The following PDK3 variants were observed in gnomAD, a reference collection of about 807,000 sequenced individuals.
PDK3 encodes the protein pyruvate dehydrogenase kinase 3, also known as pyruvate dehydrogenase kinase, isozyme 3.
PDK3 carries 12 observed loss-of-function variants against 32.0 expected under a neutral mutation model. That is an observed-to-expected ratio of 0.37 (90% CI 0.24 to 0.61). The LOEUF (loss-of-function observed/expected upper bound fraction) is 0.61. Among genes scored for constraint, PDK3 ranks in the 20% least tolerant of loss-of-function variants. PDK3 has a pLI of 0.65. For synonymous variants in PDK3, 122 were observed against 116.3 expected, an observed-to-expected ratio of 1.05 and a Z score of -0.31; for missense variants, 188 against 316.9, an observed-to-expected ratio of 0.59 and a Z score of 3.09.
downstream of PDK3, among the ~76,000 whole-genome samples, chrX:24,536,079 G>GA (rs778228157): frequency 1.6e-3 from 175 of 110,946 alleles, no homozygotes; most frequent in African/African-American, 5.5e-3. Flanking sequence ...TTTTTTGCTA[G>GA]AATATCCATA....
At chrX:24,528,961 T>C (rs1200483253) in intron 9 of PDK3, among the ~76,000 whole-genome samples, 1 of 112,767 alleles carries the variant, frequency 8.9e-6, no homozygotes, top group Non-Finnish European at 1.9e-5. Flanking sequence ...AAGTCGTACC[T>C]GACTGATAAG....
intron 5 of PDK3, among the ~76,000 whole-genome samples, chrX:24,515,272 T>C (rs1258333726): frequency 8.9e-6 from 1 of 112,385 alleles, no homozygotes; most frequent in East Asian, 2.8e-4. Flanking sequence ...TAAGTTGTAG[T>C]GATGCTTTAA....
intron 1 of PDK3, among the ~76,000 whole-genome samples, chrX:24,481,532 C>A (rs911355589): frequency 8.9e-6 from 1 of 111,903 alleles, no homozygotes; most frequent in African/African-American, 3.3e-5. Flanking sequence ...TCTGTGTCTC[C>A]ACCCAAATCT....
intron 10 of PDK3, among the ~76,000 whole-genome samples, chrX:24,532,309 A>T (rs193069486): frequency 8.9e-6 from 1 of 112,014 alleles, no homozygotes; most frequent in African/African-American, 3.2e-5. Context: ...TTAAAACCAT[A>T]ATTTTAAATT....
chrX:24,516,386 G>T (rs891402366), intron 5 of PDK3, among the ~76,000 whole-genome samples: 1 of 111,845 alleles, frequency 8.9e-6, no homozygotes, highest in Non-Finnish European at 1.9e-5. Flanking sequence ...CAAACATTTG[G>T]ACATAAAGGT....
In PDK3 at chrX:24,465,430, C is replaced by T. The variant is rs756347909; in HGVS notation, c.-26C>T. On this transcript the variant is annotated 5_prime_UTR_variant, in exon 1 of 11. Transcript: ENST00000379162. ...CCTTGCGGCCACCCGGGCGTCTAGG[C>T]GGGTCTGTGCGCCGCCCGGGCGAGG... 4 of 1,129,128 alleles carry T rather than the reference C, an allele frequency of 3.5e-6. No individual in the cohort carries two copies. Among genetic ancestry groups the T allele is most frequent in the Non-Finnish European group, 4.8e-6 (4 of 828,732 alleles). The allele number at this position is 1,129,128 out of a possible 1,213,427, so 93.1% of individuals were successfully genotyped here.
intron 1 of PDK3, 96 bp downstream of exon 1, chrX:24,465,657 A>C: frequency 1.5e-6 from 1 of 650,285 alleles, no homozygotes; most frequent in East Asian, 3.7e-5. Context: ...GTCTGTGGGA[A>C]CCGCAGGCGG....
At chrX:24,505,815 A>G (rs555003912) in intron 5 of PDK3, among the ~76,000 whole-genome samples, 1 of 111,609 alleles carries the variant, frequency 9.0e-6, no homozygotes, top group East Asian at 2.8e-4. Flanking sequence ...GTACCCAGGC[A>G]CTTTGAATTT....
intron 3 of PDK3, among the ~76,000 whole-genome samples, chrX:24,500,788 G>C (rs1348674649): frequency 1.8e-5 from 2 of 111,707 alleles, no homozygotes; most frequent in Non-Finnish European, 3.8e-5. Flanking sequence ...TAGCTTAGAG[G>C]ACAAGCTTGT....
Position 24,518,967 on chromosome X carries a change from GT to G in PDK3, c.631del (p.Tyr211IlefsTer4). ...YETAKMLCEQ[Y>X]YLVAPELEVE... ...AAACAGCCAAGATGCTGTGTGAACA[GT>G]ATTACCTGGTAGCTCCAGAGCTGGA... On this transcript the variant is annotated frameshift_variant, in exon 6 of 11. Coordinates refer to ENST00000379162, the MANE Select transcript of PDK3 (RefSeq NM_005391.5). LOFTEE classifies it high-confidence loss of function. The G allele has an allele frequency of 8.4e-7, 1 of 1,197,497 alleles. No homozygotes were observed. Among genetic ancestry groups the G allele is most frequent in the Non-Finnish European group, 1.1e-6 (1 of 886,698 alleles).
At chrX:24,479,264 A>T (rs1921189322) in intron 1 of PDK3, among the ~76,000 whole-genome samples, 1 of 112,417 alleles carries the variant, frequency 8.9e-6, no homozygotes, top group Admixed American at 9.4e-5. Context: ...TGGTCATGTG[A>T]TGTGCTCATG....
At chrX:24,504,465 C>T (rs1039836409) in intron 4 of PDK3, among the ~76,000 whole-genome samples, 6 of 111,838 alleles carry the variant, frequency 5.4e-5, no homozygotes, top group Admixed American at 1.9e-4. Context: ...TTAATCAGTT[C>T]GAACTTTATT....
chrX:24,492,779 A>T (rs1354471054), intron 1 of PDK3, among the ~76,000 whole-genome samples: 1 of 110,781 alleles, frequency 9.0e-6, no homozygotes, highest in African/African-American at 3.3e-5. Context: ...AGGCGGGTGG[A>T]TCACGAGTCA....
At chrX:24,539,504 G>A (rs564262959) in exon 12 of PDK3, 4 of 181,196 alleles carry the variant, frequency 2.2e-5, no homozygotes, top group African/African-American at 8.9e-5. Flanking sequence ...GATTCTGTGC[G>A]CCTTTCCCAT....
At chrX:24,534,755 C>A (rs1219948065), downstream of PDK3, among the ~76,000 whole-genome samples, 1 of 111,856 alleles carries the variant, frequency 8.9e-6, no homozygotes, top group Non-Finnish European at 1.9e-5. Context: ...TCAAGACCAG[C>A]CTAGGCAACA....
chrX:24,511,230 A>G (rs947771646), intron 5 of PDK3, among the ~76,000 whole-genome samples: 32 of 112,482 alleles, frequency 2.8e-4, no homozygotes, highest in Non-Finnish European at 7.5e-5. Flanking sequence ...CTCTTAGTGA[A>G]GTCTTACTGT....
intron 9 of PDK3, among the ~76,000 whole-genome samples, chrX:24,528,756 A>G (rs930908660): frequency 8.9e-5 from 10 of 112,432 alleles, no homozygotes; most frequent in Admixed American, 2.8e-4. Context: ...TCTGGAAATA[A>G]CCTTCAGCCC....
At chrX:24,498,285 C>G (rs1485318320) in intron 2 of PDK3, among the ~76,000 whole-genome samples, 2 of 111,360 alleles carry the variant, frequency 1.8e-5, no homozygotes, top group African/African-American at 6.5e-5. Context: ...AAGGTCCAGC[C>G]GTAGGGTGAG....
intron 2 of PDK3, among the ~76,000 whole-genome samples, chrX:24,497,001 C>T (rs138885217): frequency 0.056 from 6,024 of 107,814 alleles, 164 homozygotes; most frequent in Admixed American, 0.075. Flanking sequence ...AGGTTGGTCT[C>T]GATCTCCTGA....
Sources: allele counts gnomAD v4.1 joint callset (sites outside exome capture counted in the v4.1 genomes callset), GRCh38; gene constraint gnomAD v4.1.1; transcripts MANE v1.5; gene names NCBI Gene and HGNC (gene_info 2026-07-23, HGNC 2026-07-21).